DIP2C: variants seen among roughly 807,000 people sequenced by gnomAD.
The protein encoded by DIP2C is disco-interacting protein 2 homolog C.
Under a neutral mutation model 192.4 loss-of-function variants are expected in DIP2C, and 33 were observed. The observed-to-expected ratio is 0.17, with a 90% CI of 0.13 to 0.23. The LOEUF is 0.23. Ranked by LOEUF, DIP2C falls within the 10% of genes least tolerant of loss-of-function variation. DIP2C has a pLI of 1.00. For missense variants in DIP2C, 1,537 were observed against 2,110.1 expected (o/e 0.73, Z 5.32); for synonymous variants, 979 against 864.1 (o/e 1.13, Z -2.33).
chr10:661,820 C>T (rs778719730), intron 1 of DIP2C, among the ~76,000 whole-genome samples: 3 of 152,206 alleles, frequency 2.0e-5, no homozygotes, highest in Non-Finnish European at 4.4e-5. Context: ...TCGCAGCTTG[C>T]GGTGGTGTCT....
At chr10:501,375 T>C (rs942108789) in intron 1 of DIP2C, among the ~76,000 whole-genome samples, 4 of 152,240 alleles carry the variant, frequency 2.6e-5, no homozygotes, top group Non-Finnish European at 4.4e-5. Flanking sequence ...CCTATACTCA[T>C]TGATACATTA....
intron 9 of DIP2C, among the ~76,000 whole-genome samples, chr10:408,718 C>T (rs1964982370): frequency 6.6e-6 from 1 of 152,178 alleles, no homozygotes; most frequent in African/African-American, 2.4e-5. Context: ...ATGGACAAGA[C>T]CATTACCTGC....
chr10:298,269 T>C (rs1955855291), intron 32 of DIP2C, among the ~76,000 whole-genome samples: 1 of 152,214 alleles, frequency 6.6e-6, no homozygotes, highest in Non-Finnish European at 1.5e-5. Context: ...TGAGGTGTTT[T>C]GTAGGCTGCC....
intron 1 of DIP2C, among the ~76,000 whole-genome samples, chr10:516,298 T>C (rs796566732): frequency 5.8e-5 from 3 of 51,594 alleles, no homozygotes; most frequent in East Asian, 6.1e-4. Flanking sequence ...AGTGGCATCA[T>C]TGATTCTCTT....
At chr10:311,424 G>T in intron 31 of DIP2C, 1 of 969,658 alleles carries the variant, frequency 1.0e-6, no homozygotes, top group South Asian at 5.3e-5. Flanking sequence ...AGGGCCTGCA[G>T]ACCCCCGGCC....
intron 10 of DIP2C, among the ~76,000 whole-genome samples, chr10:394,948 A>G (rs1963852322): frequency 6.6e-6 from 1 of 152,136 alleles, no homozygotes; most frequent in African/African-American, 2.4e-5. Context: ...AGTGGGCACT[A>G]TTCAGCCGTC....
rs111520221 is a variant in DIP2C, at chr10:612,942, C to T, written c.85+76552G>A. Reference sequence around the variant, plus strand: ...AATGCATGTAAAATTTTAAGGGATCCGGCCCCCCTCCCAGTGGGTGTGCAC... The same window carrying T: ...AATGCATGTAAAATTTTAAGGGATCTGGCCCCCCTCCCAGTGGGTGTGCAC... On this transcript the variant is annotated intron_variant, in intron 1 of 36. Coordinates refer to ENST00000280886, the MANE Select transcript of DIP2C (RefSeq NM_014974.3). 7.2e-5 allele frequency among the ~76,000 whole-genome samples: 11 copies of T among 152,256 alleles called. 1 individual carries two copies. The highest frequency in any genetic ancestry group is 5.8e-4 in the East Asian group (3 of 5,182).
chr10:517,418 C>A (rs970808743), intron 1 of DIP2C, among the ~76,000 whole-genome samples: 3 of 152,110 alleles, frequency 2.0e-5, no homozygotes, highest in African/African-American at 7.2e-5. Context: ...AAGCCTCTGG[C>A]CCACCCAAGC....
chr10:506,039 T>C (rs1845575903), intron 1 of DIP2C, among the ~76,000 whole-genome samples: 1 of 152,196 alleles, frequency 6.6e-6, no homozygotes, highest in Admixed American at 6.5e-5. Flanking sequence ...CTACACGATG[T>C]CACATTTGGC....
At position 306,312 on chromosome 10, in the gene DIP2C, A is replaced by C. The variant is rs568938074; in HGVS notation, c.3986+3719T>G. 4.5e-4 allele frequency among the ~76,000 whole-genome samples: 68 copies of C among 152,100 alleles called. 1 individual carries two copies. Among genetic ancestry groups the C allele is most frequent in the African/African-American group, 1.4e-3 (60 of 41,498 alleles). Reference sequence around the variant, plus strand: ...CTCCAAGAATAAAAAGGGCATCAGAAACAGGGGCAGAAAACCAAGCAGAAA... The same window carrying C: ...CTCCAAGAATAAAAAGGGCATCAGACACAGGGGCAGAAAACCAAGCAGAAA... On this transcript the variant is annotated intron_variant, in intron 32 of 36. Coordinates refer to ENST00000280886, the MANE Select transcript of DIP2C (RefSeq NM_014974.3).
chr10:377,338 C>T (rs1961742327), intron 17 of DIP2C, among the ~76,000 whole-genome samples: 1 of 152,242 alleles, frequency 6.6e-6, no homozygotes, highest in African/African-American at 2.4e-5. Context: ...CATCTTCCCG[C>T]TGCACCTCCT....
rs138733946 is a variant in DIP2C at position 282,818 on chromosome 10, G to A, written c.4294+454C>T. Among the ~76,000 whole-genome samples, 201 of 152,348 alleles carry A rather than the reference G, an allele frequency of 1.3e-3. 1 individual carries two copies. The highest frequency in any genetic ancestry group is 4.5e-3 in the African/African-American group (186 of 41,582). ...GGCCACCAGGGCCCGAGAGCCTCGC[G>A]GCCTCCTCTTCCCTGACAGGGGCAG... is the stretch of plus-strand genomic sequence containing the variant. On this transcript the variant is annotated intron_variant, in intron 35 of 36. Coordinates refer to ENST00000280886, the MANE Select transcript of DIP2C (RefSeq NM_014974.3).
chr10:438,413 C>T (rs1967444343), intron 4 of DIP2C, among the ~76,000 whole-genome samples: 1 of 152,130 alleles, frequency 6.6e-6, no homozygotes, highest in African/African-American at 2.4e-5. Context: ...TTGTTAGTTA[C>T]ACAAAGAACA....
chr10:580,254 ATG>A (rs1491396478), intron 1 of DIP2C, among the ~76,000 whole-genome samples: 1 of 152,096 alleles, frequency 6.6e-6, no homozygotes. Context: ...TGTGTAAAGT[ATG>A]TACATATGCA....
intron 32 of DIP2C, among the ~76,000 whole-genome samples, chr10:298,111 T>TC (rs1196287303): frequency 6.6e-6 from 1 of 152,102 alleles, no homozygotes; most frequent in African/African-American, 2.4e-5. Context: ...CTTCCTCATT[T>TC]CCCCCTAATA....
intron 1 of DIP2C, among the ~76,000 whole-genome samples, chr10:562,075 A>AC (rs1849249313): frequency 6.6e-6 from 1 of 152,254 alleles, no homozygotes; most frequent in African/African-American, 2.4e-5. Flanking sequence ...TGTAAGCTTT[A>AC]CTGCATGAAA....
At chr10:442,283 G>A (rs1967803725) in intron 3 of DIP2C, among the ~76,000 whole-genome samples, 1 of 152,108 alleles carries the variant, frequency 6.6e-6, no homozygotes, top group African/African-American at 2.4e-5. Context: ...ACCTGAGACA[G>A]GACCCAGACC....
At chr10:467,719 C>T (rs1235070477) in intron 3 of DIP2C, among the ~76,000 whole-genome samples, 1 of 151,906 alleles carries the variant, frequency 6.6e-6, no homozygotes, top group East Asian at 1.9e-4. Context: ...AACTAAACAC[C>T]ACTTGTTCTC....
chr10:410,440 G>C (rs770900251), intron 8 of DIP2C, among the ~76,000 whole-genome samples: 33 of 152,132 alleles, frequency 2.2e-4, no homozygotes, highest in Admixed American at 6.5e-5. Flanking sequence ...TCTTCAAGAC[G>C]GGCAGCTTTA....
Sources: allele counts gnomAD v4.1 joint callset (sites outside exome capture counted in the v4.1 genomes callset), GRCh38; gene constraint gnomAD v4.1.1; transcripts MANE v1.5; gene names NCBI Gene and HGNC (gene_info 2026-07-23, HGNC 2026-07-21).